HHLA2: variants seen among roughly 807,000 people sequenced by gnomAD.
The protein encoded by HHLA2 is HERV-H LTR-associating protein 2.
HHLA2 carries 48 observed loss-of-function variants against 45.9 expected under a neutral mutation model. That is an observed-to-expected ratio of 1.05 (90% CI 0.83 to 1.33). The LOEUF is 1.33. Among genes scored for constraint, HHLA2 ranks in the 40% most tolerant of loss-of-function variants. The pLI, the probability that HHLA2 is intolerant of heterozygous loss-of-function variation, is 0.00. For synonymous variants in HHLA2, 161 were observed against 173.9 expected (o/e 0.93, Z 0.59); for missense variants, 462 against 494.3 (o/e 0.93, Z 0.62).
At chr3:108,335,689 A>G (rs2081460372) in intron 3 of HHLA2, among the ~76,000 whole-genome samples, 1 of 152,178 alleles carries the variant, frequency 6.6e-6, no homozygotes, top group Non-Finnish European at 1.5e-5. Context: ...TTGAGCAAGC[A>G]TGAAAAGGAG....
At chr3:108,366,016 A>T (rs2082057515) in intron 8 of HHLA2, among the ~76,000 whole-genome samples, 1 of 152,116 alleles carries the variant, frequency 6.6e-6, no homozygotes, top group Non-Finnish European at 1.5e-5. Flanking sequence ...TTCCAATACT[A>T]TGTTGAACTA....
intron 3 of HHLA2, among the ~76,000 whole-genome samples, chr3:108,330,805 G>C (rs1211684005): frequency 1.3e-5 from 2 of 152,182 alleles, no homozygotes; most frequent in African/African-American, 4.8e-5. Context: ...GCTGTGCCAA[G>C]ATGCCTAACC....
chr3:108,299,018 C>T (rs2080807690), intron 1 of HHLA2, among the ~76,000 whole-genome samples: 1 of 152,180 alleles, frequency 6.6e-6, no homozygotes, highest in Non-Finnish European at 1.5e-5. Flanking sequence ...TCTAATTTAA[C>T]CTAGATTAGA....
intron 10 of HHLA2, chr3:108,377,035 A>G: frequency 2.0e-6 from 1 of 490,130 alleles, no homozygotes; most frequent in Non-Finnish European, 3.7e-6. Flanking sequence ...TGTTTTTTCC[A>G]CTGTTAAAAA....
chr3:108,352,204 T>C (rs1257221280), intron 4 of HHLA2, among the ~76,000 whole-genome samples: 1 of 152,182 alleles, frequency 6.6e-6, no homozygotes, highest in East Asian at 1.9e-4. Flanking sequence ...CATTATCAGC[T>C]TTGCTAGGTC....
chr3:108,376,478 T>A lies in HHLA2; in HGVS notation c.1160-15T>A. 1.9e-6 allele frequency: 3 copies of A among 1,590,784 alleles called. No individual in the cohort carries two copies. Among genetic ancestry groups the A allele is most frequent in the Non-Finnish European group, 1.7e-6 (2 of 1,171,164 alleles). ...CAAAGAAATTATTTTTAAGTTCTCT[T>A]TTTTTTTCCTGTAGAAAGATGTTGT... On this transcript the variant is annotated splice_polypyrimidine_tract_variant and intron_variant, in intron 9 of 10. Transcript: ENST00000619531.
At position 108,348,660 on chromosome 3, in the gene HHLA2, T is replaced by TAA. The variant is rs1274907064; in HGVS notation, c.-26-3127_-26-3126dup. 5.6e-3 allele frequency among the ~76,000 whole-genome samples: 848 copies of TAA among 151,652 alleles called. 6 individuals carry two copies. Among genetic ancestry groups the TAA allele is most frequent in the African/African-American group, 0.019 (795 of 41,308 alleles). On this transcript the variant is annotated intron_variant, in intron 3 of 10. Transcript: ENST00000619531. Reference sequence around the variant, plus strand: ...CAGGGACAAATTTCTTTTTTTTTTTTAATTATACTTTAAATTCTGGGTTAC... The same window carrying TAA: ...CAGGGACAAATTTCTTTTTTTTTTTTAAAATTATACTTTAAATTCTGGGTTAC...
chr3:108,337,898 C>T (rs762047571), intron 3 of HHLA2, among the ~76,000 whole-genome samples: 9 of 152,126 alleles, frequency 5.9e-5, no homozygotes, highest in Non-Finnish European at 1.2e-4. Context: ...TCACTAAACT[C>T]ACCTTAAATG....
intron 3 of HHLA2, among the ~76,000 whole-genome samples, chr3:108,329,163 T>C (rs1408894040): frequency 6.6e-6 from 1 of 152,224 alleles, no homozygotes; most frequent in Non-Finnish European, 1.5e-5. Flanking sequence ...GTTCTCAGCA[T>C]GTTAAGACTT....
intron 3 of HHLA2, among the ~76,000 whole-genome samples, chr3:108,350,923 G>A (rs867103969): frequency 6.6e-6 from 1 of 152,168 alleles, no homozygotes; most frequent in Non-Finnish European, 1.5e-5. Context: ...GACCTCAAGT[G>A]ATCCTCTTGC....
intron 2 of HHLA2, among the ~76,000 whole-genome samples, chr3:108,313,502 G>A (rs2081053928): frequency 2.0e-5 from 3 of 152,176 alleles, no homozygotes; most frequent in Admixed American, 1.3e-4. Flanking sequence ...CTCTTTCTGG[G>A]TTGTGTGTGC....
intron 3 of HHLA2, among the ~76,000 whole-genome samples, chr3:108,339,724 T>G (rs756957434): frequency 2.0e-5 from 3 of 152,214 alleles, no homozygotes; most frequent in Non-Finnish European, 4.4e-5. Context: ...CATTGATTCT[T>G]TCTTCCATCT....
At chr3:108,316,145 A>G (rs1044296227) in intron 2 of HHLA2, among the ~76,000 whole-genome samples, 3 of 152,190 alleles carry the variant, frequency 2.0e-5, no homozygotes, top group African/African-American at 4.8e-5. Flanking sequence ...CCAGCCGGAA[A>G]AGTCAACACA....
At chr3:108,348,224 G>T (rs1190274204) in intron 3 of HHLA2, among the ~76,000 whole-genome samples, 1 of 152,036 alleles carries the variant, frequency 6.6e-6, no homozygotes, top group Non-Finnish European at 1.5e-5. Flanking sequence ...ACAGCAGTAA[G>T]GAAAGAAAAA....
At chr3:108,334,243 A>G (rs2081434287) in intron 3 of HHLA2, among the ~76,000 whole-genome samples, 1 of 152,196 alleles carries the variant, frequency 6.6e-6, no homozygotes, top group Non-Finnish European at 1.5e-5. Flanking sequence ...TAGATTAAAC[A>G]TGGAATCTTT....
chr3:108,299,438 C>T (rs2080815475), intron 1 of HHLA2, among the ~76,000 whole-genome samples: 1 of 151,200 alleles, frequency 6.6e-6, no homozygotes, highest in Non-Finnish European at 1.5e-5. Flanking sequence ...TTGATGGAGT[C>T]AGAGCTTAGA....
intron 2 of HHLA2, among the ~76,000 whole-genome samples, chr3:108,320,893 C>T (rs2081187829): frequency 6.6e-6 from 1 of 151,998 alleles, no homozygotes; most frequent in African/African-American, 2.4e-5. Context: ...GCATGAATTA[C>T]CCTGGGTTTC....
intron 10 of HHLA2, 39 bp downstream of exon 9, chr3:108,376,596 A>C: frequency 1.3e-6 from 2 of 1,554,474 alleles, no homozygotes; most frequent in Non-Finnish European, 1.8e-6. Flanking sequence ...TATACAGTAT[A>C]AAAATGCTTC....
At chr3:108,367,293 T>G (rs1340634078) in intron 8 of HHLA2, among the ~76,000 whole-genome samples, 2 of 152,110 alleles carry the variant, frequency 1.3e-5, no homozygotes, top group Admixed American at 6.5e-5. Flanking sequence ...CCAGAATGCT[T>G]CTTCTCTTCC....
Sources: allele counts gnomAD v4.1 joint callset (sites outside exome capture counted in the v4.1 genomes callset), GRCh38; gene constraint gnomAD v4.1.1; transcripts MANE v1.5; gene names NCBI Gene and HGNC (gene_info 2026-07-23, HGNC 2026-07-21).